SOX6: variants seen among roughly 807,000 people sequenced by gnomAD.
SOX6 encodes SRY-box transcription factor 6, also known as transcription factor SOX-6.
Under a neutral mutation model 97.8 loss-of-function variants are expected in SOX6, and 11 were observed. The ratio of observed to expected loss-of-function variants is 0.11; its 90% CI spans 0.07 to 0.19. The LOEUF is 0.19. SOX6 is among the 10% of genes least tolerant of loss of function. SOX6 has a pLI of 1.00. For missense variants in SOX6, 810 were observed against 1,039.5 expected (o/e 0.78, Z 3.04); for synonymous variants, 360 against 371.4 (o/e 0.97, Z 0.35).
chr11:16,275,478 A>G (rs1419985845), intron 3 of SOX6, among the ~76,000 whole-genome samples: 2 of 145,932 alleles, frequency 1.4e-5, no homozygotes, highest in Admixed American at 1.5e-4. Context: ...AAAACAAAAC[A>G]AAACAAAACA....
At chr11:16,373,006 C>T (rs962020888) in intron 1 of SOX6, among the ~76,000 whole-genome samples, 1 of 151,654 alleles carries the variant, frequency 6.6e-6, no homozygotes, top group African/African-American at 2.4e-5. Flanking sequence ...ATTTTTTTCG[C>T]AAAGGTAATT....
At chr11:16,653,267 G>A (rs1441769088) in intron 3 of SOX6, among the ~76,000 whole-genome samples, 2 of 152,076 alleles carry the variant, frequency 1.3e-5, no homozygotes, top group East Asian at 3.9e-4. Flanking sequence ...CCACTATTGG[G>A]TATCTACCCA....
upstream of SOX6, among the ~76,000 whole-genome samples, chr11:16,361,110 C>T (rs1195745121): frequency 6.6e-6 from 1 of 152,060 alleles, no homozygotes; most frequent in Admixed American, 6.6e-5. Context: ...TTATAAAAGC[C>T]AGTAACTTAG....
intron 3 of SOX6, among the ~76,000 whole-genome samples, chr11:16,664,277 A>G (rs955552664): frequency 6.6e-6 from 1 of 152,262 alleles, no homozygotes; most frequent in Non-Finnish European, 1.5e-5. Flanking sequence ...TATCACTGAA[A>G]AAGTCACTGA....
At chr11:16,461,113 T>G (rs548322814) in intron 1 of SOX6, among the ~76,000 whole-genome samples, 2 of 152,264 alleles carry the variant, frequency 1.3e-5, no homozygotes, top group South Asian at 4.2e-4. Flanking sequence ...CAAGAGATAT[T>G]TAGTACAATC....
rs1853267275 is a variant in SOX6 at position 15,970,452 on chromosome 11, G to C, written c.*2357C>G. On this transcript the variant is annotated 3_prime_UTR_variant, in exon 16 of 16. Transcript: ENST00000683767. ...CAATGCAACAAAATAAGAAAGAAGT[G>C]AGAGAGAGCAAAAGCAAAAGCCAAA... is the stretch of plus-strand genomic sequence containing the variant. 1 of 152,300 alleles carries C rather than the reference G, an allele frequency of 6.6e-6. No homozygotes were observed. The highest frequency in any genetic ancestry group is 2.4e-5 in the African/African-American group (1 of 41,358). 9.4% of individuals were successfully genotyped at this position (152,300 alleles called of 1,614,324 possible).
chr11:16,359,392 G>C (rs374998454), upstream of SOX6, among the ~76,000 whole-genome samples: 7 of 152,046 alleles, frequency 4.6e-5, no homozygotes, highest in South Asian at 2.1e-4. Context: ...ATTCAAAATA[G>C]TTTGGGTTTT....
At chr11:16,179,027 C>T (rs1851275263) in intron 6 of SOX6, among the ~76,000 whole-genome samples, 1 of 151,716 alleles carries the variant, frequency 6.6e-6, no homozygotes, top group South Asian at 2.1e-4. Context: ...AATTAATTAA[C>T]TAGGTCAAGC....
intron 3 of SOX6, among the ~76,000 whole-genome samples, chr11:16,269,702 G>A (rs575215529): frequency 8.0e-5 from 12 of 150,808 alleles, no homozygotes; most frequent in East Asian, 5.8e-4. Flanking sequence ...TTGTTGCTAC[G>A]GCAAATGGTG....
At chr11:16,518,045 TA>T (rs752456524) in intron 4 of SOX6, among the ~76,000 whole-genome samples, 3 of 152,160 alleles carry the variant, frequency 2.0e-5, no homozygotes, top group Non-Finnish European at 4.4e-5. Flanking sequence ...TTATCTTCCT[TA>T]AATATAAATA....
At chr11:15,993,640 A>C (rs1854126664) in intron 13 of SOX6, among the ~76,000 whole-genome samples, 1 of 152,162 alleles carries the variant, frequency 6.6e-6, no homozygotes, top group African/African-American at 2.4e-5. Flanking sequence ...GCTCTGTACA[A>C]CTTCCCCTAG....
intron 6 of SOX6, among the ~76,000 whole-genome samples, chr11:16,138,961 T>A (rs189235397): frequency 1.3e-5 from 2 of 152,286 alleles, no homozygotes. Context: ...TTTTGGACAT[T>A]TGGGTTGGTT....
chr11:16,712,935 T>A (rs904154682), intron 3 of SOX6, among the ~76,000 whole-genome samples: 1 of 152,240 alleles, frequency 6.6e-6, no homozygotes, highest in Admixed American at 6.5e-5. Flanking sequence ...CAGGTGTGAC[T>A]GATTCCAAAC....
At chr11:16,057,806 A>C (rs1181524354) in intron 9 of SOX6, among the ~76,000 whole-genome samples, 1 of 152,132 alleles carries the variant, frequency 6.6e-6, no homozygotes, top group Non-Finnish European at 1.5e-5. Flanking sequence ...CAGAATTCCA[A>C]AGATATTGAT....
rs146569771 is a variant in SOX6, at chr11:16,380,815, T to A, written c.-4-39563A>T. 6.9e-3 allele frequency among the ~76,000 whole-genome samples: 1,056 copies of A among 152,150 alleles called. 13 individuals are homozygous for A. The highest frequency in any genetic ancestry group is 0.024 in the African/African-American group (1,004 of 41,558). On this transcript the variant is annotated intron_variant, in intron 1 of 15. Transcript: ENST00000396356. ...ATAGCAAAATAAGACAATTGTGAAA[T>A]AATTAAACAGATGATAAAAATAACA... is the stretch of plus-strand genomic sequence containing the variant.
intron 4 of SOX6, among the ~76,000 whole-genome samples, chr11:16,594,684 C>CTTTTTTTTTTTTTTTTTTTTTTTTTTTT (rs10653599): frequency 1.5e-4 from 10 of 68,264 alleles, no homozygotes; most frequent in Non-Finnish European, 1.9e-4. Flanking sequence ...TCGGTTTTTG[C>CTTTTTTTTTTTTTTTTTTTTTTTTTTTT]TTTTTTTTTT....
intron 10 of SOX6, among the ~76,000 whole-genome samples, chr11:16,050,747 C>T (rs1209528525): frequency 3.9e-5 from 6 of 152,108 alleles, no homozygotes; most frequent in Non-Finnish European, 7.4e-5. Flanking sequence ...AGCTAAGCTC[C>T]TTCCTTTATT....
At chr11:16,404,151 G>A (rs1231452952) in intron 1 of SOX6, among the ~76,000 whole-genome samples, 1 of 151,748 alleles carries the variant, frequency 6.6e-6, no homozygotes, top group African/African-American at 2.4e-5. Context: ...GCTGTTAGTG[G>A]GTATTTGGGG....
chr11:16,712,122 C>G (rs1439728836), intron 3 of SOX6, among the ~76,000 whole-genome samples: 1 of 145,578 alleles, frequency 6.9e-6, no homozygotes, highest in Admixed American at 6.9e-5. Context: ...CACACACACA[C>G]CACAGTTTCT....
Sources: gnomAD v4.1 joint callset for allele counts (sites outside exome capture counted in the v4.1 genomes callset) on GRCh38, gnomAD v4.1.1 for gene constraint, MANE v1.5 for transcripts, NCBI Gene and HGNC (gene_info 2026-07-23, HGNC 2026-07-21) for gene names.